Variants in SDK1 observed in about 807,000 individuals in gnomAD.
SDK1 encodes sidekick cell adhesion molecule 1, also known as protein sidekick-1.
In SDK1, 157 loss-of-function variants were observed where a neutral mutation model predicts 245.5. That is an observed-to-expected ratio of 0.64 (90% CI 0.56 to 0.73). The LOEUF is 0.73. SDK1 is among the 30% of genes least tolerant of loss of function. SDK1 has a pLI of 0.00. For missense variants in SDK1, 3,583 were observed against 3,002.3 expected (o/e 1.19, Z -4.52); for synonymous variants, 1,647 against 1,278.5 (o/e 1.29, Z -6.15).
intron 1 of SDK1, among the ~76,000 whole-genome samples, chr7:3,331,707 C>G (rs576512769): frequency 6.6e-6 from 1 of 152,028 alleles, no homozygotes; most frequent in Non-Finnish European, 1.5e-5. Flanking sequence ...AAACACCTTT[C>G]CTTTGGATAC....
chr7:3,636,890 T>C (rs140344519), intron 2 of SDK1, among the ~76,000 whole-genome samples: 2,208 of 152,332 alleles, frequency 0.014, 16 homozygotes, highest in Non-Finnish European at 0.021. Context: ...AGGAGTAAGA[T>C]GACATCTCAT....
At chr7:3,471,635 A>G (rs1441404376) in intron 1 of SDK1, among the ~76,000 whole-genome samples, 1 of 152,216 alleles carries the variant, frequency 6.6e-6, no homozygotes, top group African/African-American at 2.4e-5. Context: ...AGTCAAGAGT[A>G]AGAAGTGTTG....
chr7:4,022,968 G>T (rs1363407370), intron 17 of SDK1, among the ~76,000 whole-genome samples: 1 of 152,020 alleles, frequency 6.6e-6, no homozygotes, highest in African/African-American at 2.4e-5. Context: ...TAGAGACGGG[G>T]TTTCGCCGTG....
intron 25 of SDK1, among the ~76,000 whole-genome samples, chr7:4,125,356 GATGGATGGATGA>G (rs1217999008): frequency 1.3e-5 from 2 of 151,270 alleles, no homozygotes; most frequent in Non-Finnish European, 3.0e-5. Flanking sequence ...TGGATGGATG[GATGGATGGATGA>G]ATGGATGGGT....
intron 1 of SDK1, among the ~76,000 whole-genome samples, chr7:3,333,489 A>G (rs755339524): frequency 2.6e-5 from 4 of 151,996 alleles, no homozygotes; most frequent in Non-Finnish European, 5.9e-5. Flanking sequence ...TGTGTCTCTC[A>G]TTATCTCTGA....
chr7:3,446,739 G>C (rs1780354001), intron 1 of SDK1, among the ~76,000 whole-genome samples: 1 of 152,108 alleles, frequency 6.6e-6, no homozygotes, highest in African/African-American at 2.4e-5. Context: ...CAAATAACTA[G>C]TATCAAATCA....
At position 4,254,797 on chromosome 7, in the gene SDK1, G is replaced by A. The variant is rs932726785; in HGVS notation, c.6381+8992G>A. Reference sequence around the variant, plus strand: ...AGTGATTTGGCTAGATTCATTCAGTGAAGTCCATTTCCCCTGCACTGTGTG... The same window carrying A: ...AGTGATTTGGCTAGATTCATTCAGTAAAGTCCATTTCCCCTGCACTGTGTG... On this transcript the variant is annotated intron_variant, in intron 44 of 44. Coordinates refer to ENST00000404826, the MANE Select transcript of SDK1 (RefSeq NM_152744.4). Among the ~76,000 whole-genome samples, 77 of 152,116 alleles carry A rather than the reference G, an allele frequency of 5.1e-4. 1 individual carries two copies. The highest frequency in any genetic ancestry group is 1.6e-4 in the Non-Finnish European group (11 of 68,030).
At chr7:4,102,954 T>TAAAA (rs34174910) in intron 22 of SDK1, among the ~76,000 whole-genome samples, 2 of 113,234 alleles carry the variant, frequency 1.8e-5, no homozygotes, top group African/African-American at 3.0e-5. Context: ...TAAAAAAAGT[T>TAAAA]AAAAAAAAAA....
At chr7:3,595,953 T>G (rs866078632) in intron 1 of SDK1, among the ~76,000 whole-genome samples, 4,718 of 111,004 alleles carry the variant, frequency 0.043, 236 homozygotes, top group African/African-American at 0.16. Context: ...CTAATGGGTA[T>G]TTTTTTTTTT....
intron 32 of SDK1, among the ~76,000 whole-genome samples, chr7:4,163,377 C>T (rs1475852782): frequency 2.6e-5 from 4 of 152,212 alleles, no homozygotes; most frequent in Admixed American, 1.3e-4. Context: ...AAGAGGGGAA[C>T]AGTGGTCTAG....
intron 4 of SDK1, among the ~76,000 whole-genome samples, chr7:3,722,436 A>T (rs1778844127): frequency 6.6e-6 from 1 of 152,066 alleles, no homozygotes; most frequent in Non-Finnish European, 1.5e-5. Context: ...TGGAGCCTTT[A>T]ATCAGGGAAG....
intron 1 of SDK1, among the ~76,000 whole-genome samples, chr7:3,555,652 A>G (rs1434198684): frequency 6.6e-6 from 1 of 152,186 alleles, no homozygotes; most frequent in South Asian, 2.1e-4. Flanking sequence ...AGTGGGAGAA[A>G]ATATTTGCAA....
At position 3,638,814 on chromosome 7, in the gene SDK1, A is replaced by C. The variant is rs149250960; in HGVS notation, c.459-190A>C. On this transcript the variant is annotated intron_variant, in intron 2 of 44. Coordinates refer to ENST00000404826, the MANE Select transcript of SDK1 (RefSeq NM_152744.4). ...ATAAAATTTAAAAAAAAAAAGAAAT[A>C]AATGGTGGTTCTAGTTAGTGTCATG... 2.3e-3 allele frequency among the ~76,000 whole-genome samples: 347 copies of C among 152,048 alleles called. 2 individuals are homozygous for C. Among genetic ancestry groups the C allele is most frequent in the Middle Eastern group, 6.8e-3 (2 of 294 alleles).
At chr7:3,971,170 C>T (rs1307501784) in intron 11 of SDK1, among the ~76,000 whole-genome samples, 1 of 152,050 alleles carries the variant, frequency 6.6e-6, no homozygotes, top group Non-Finnish European at 1.5e-5. Flanking sequence ...ATTTTAGAGC[C>T]TAGAACCTCA....
intron 4 of SDK1, among the ~76,000 whole-genome samples, chr7:3,783,971 T>A (rs550444150): frequency 1.6e-4 from 24 of 151,864 alleles, no homozygotes; most frequent in Non-Finnish European, 2.8e-4. Context: ...GCTATAGTAA[T>A]TAAAACAGCA....
Position 3,600,221 on chromosome 7 carries a change from T to A in SDK1, c.299-18859T>A, listed in dbSNP as rs73673640. Among the ~76,000 whole-genome samples, 1,166 of 152,352 alleles carry A rather than the reference T, an allele frequency of 7.7e-3. 16 individuals carry two copies. Among genetic ancestry groups the A allele is most frequent in the African/African-American group, 0.027 (1,128 of 41,584 alleles). ...TATGTGTTTCATTTTGGTTTCTAAA[T>A]GTTCATCGTTTATAGAAATGTGATT... On this transcript the variant is annotated intron_variant, in intron 1 of 44. Transcript: ENST00000404826.
intron 4 of SDK1, among the ~76,000 whole-genome samples, chr7:3,740,183 G>C (rs891672276): frequency 6.6e-6 from 1 of 152,150 alleles, no homozygotes; most frequent in Non-Finnish European, 1.5e-5. Flanking sequence ...AGGTCAGTCA[G>C]AGGTGACGTA....
In SDK1 at chr7:3,658,444, G is replaced by A. The variant is rs542578994; in HGVS notation, c.713+16339G>A. 1.1e-3 allele frequency among the ~76,000 whole-genome samples: 162 copies of A among 151,966 alleles called. 2 individuals are homozygous for A. The South Asian group carries it at 0.033, about 31-fold the overall frequency. ...TTCTGAAGGGCTCACATTCTGCTGA[G>A]TGGGATACAGCCATCTTTTAGTTCA... On this transcript the variant is annotated intron_variant, in intron 4 of 44. Transcript: ENST00000404826.
Position 4,156,278 on chromosome 7 carries a change from A to G in SDK1, c.4626-2170A>G, listed in dbSNP as rs559485607. Reference sequence around the variant, plus strand: ...AGGTCGTGGGAGAAGACACATGGTTATCACCCAGATGAGGCAAAGTAACTC... The same window carrying G: ...AGGTCGTGGGAGAAGACACATGGTTGTCACCCAGATGAGGCAAAGTAACTC... On this transcript the variant is annotated intron_variant, in intron 30 of 44. Coordinates refer to ENST00000404826, the MANE Select transcript of SDK1 (RefSeq NM_152744.4). Among the ~76,000 whole-genome samples the G allele has an allele frequency of 2.0e-5, 3 of 152,266 alleles. No individual in the cohort carries two copies. In the South Asian group the frequency reaches 6.2e-4, roughly 32 times the overall value.
Sources: allele counts gnomAD v4.1 joint callset (sites outside exome capture counted in the v4.1 genomes callset), GRCh38; gene constraint gnomAD v4.1.1; transcripts MANE v1.5; gene names NCBI Gene and HGNC (gene_info 2026-07-23, HGNC 2026-07-21).